Variants in GREB1L observed in about 807,000 individuals in gnomAD.
The protein encoded by GREB1L is GREB1-like protein.
In GREB1L, 17 loss-of-function variants were observed where a neutral mutation model predicts 200.8. The ratio of observed to expected loss-of-function variants is 0.08; its 90% CI spans 0.06 to 0.13. The LOEUF (loss-of-function observed/expected upper bound fraction) is 0.13, where lower values mean the gene tolerates loss of function less well. Among genes scored for constraint, GREB1L ranks in the 10% least tolerant of loss-of-function variants. GREB1L has a pLI of 1.00. For missense variants in GREB1L, 1,657 were observed against 2,367.7 expected (o/e 0.70, Z 6.23); for synonymous variants, 789 against 893.0 (o/e 0.88, Z 2.08).
intron 10 of GREB1L, among the ~76,000 whole-genome samples, chr18:21,443,677 A>T (rs569204108): frequency 6.6e-6 from 1 of 152,342 alleles, no homozygotes; most frequent in African/African-American, 2.4e-5. Context: ...AACAGAGATA[A>T]TATGAGTACA....
At chr18:21,472,720 A>G (rs1161938921) in intron 15 of GREB1L, among the ~76,000 whole-genome samples, 1 of 152,192 alleles carries the variant, frequency 6.6e-6, no homozygotes, top group Admixed American at 6.5e-5. Flanking sequence ...TAGCAGCAGC[A>G]TGTTATATAC....
intron 20 of GREB1L, among the ~76,000 whole-genome samples, 166 bp from the exon 21 acceptor site, chr18:21,496,288 G>C (rs1385289997): frequency 6.6e-6 from 1 of 152,156 alleles, no homozygotes; most frequent in Admixed American, 6.5e-5. Flanking sequence ...AGAAGTGAAG[G>C]TCATAACAGC....
chr18:21,462,786 G>A (rs951919079), intron 15 of GREB1L, among the ~76,000 whole-genome samples: 1 of 152,126 alleles, frequency 6.6e-6, no homozygotes, highest in African/African-American at 2.4e-5. Context: ...GAAGAGATAG[G>A]TATGGAATGA....
intron 1 of GREB1L, among the ~76,000 whole-genome samples, chr18:21,286,846 C>T (rs557116773): frequency 5.9e-5 from 9 of 152,158 alleles, no homozygotes; most frequent in Admixed American, 1.3e-4. Context: ...AGGGTCTCAC[C>T]ATGTTGCTTA....
rs906742660 is a variant in GREB1L, at chr18:21,525,782, A to G, written c.*2961A>G. Among the ~76,000 whole-genome samples the G allele has an allele frequency of 3.3e-5, 5 of 152,210 alleles. No individual in the cohort carries two copies. Among genetic ancestry groups the G allele is most frequent in the African/African-American group, 7.2e-5 (3 of 41,466 alleles). ...AGTATGAATTATATCTTCTTAAAAA[A>G]TTTTACCAACTTTTGAGAATAACAA... On this transcript the variant is annotated 3_prime_UTR_variant, in exon 33 of 33. Coordinates refer to ENST00000424526, the MANE Select transcript of GREB1L (RefSeq NM_001142966.3).
Position 21,500,535 on chromosome 18 carries a change from A to T in GREB1L, c.3970-5A>T, listed in dbSNP as rs1476543284. Reference sequence around the variant, plus strand: ...CTCCTCCCCAATTAAAAATCTTTCCATTAGGTGGGAAAGACGGGCTCCTAT... The same window carrying T: ...CTCCTCCCCAATTAAAAATCTTTCCTTTAGGTGGGAAAGACGGGCTCCTAT... On this transcript the variant is annotated splice_region_variant and splice_polypyrimidine_tract_variant and intron_variant, in intron 22 of 32. Coordinates refer to ENST00000424526, the MANE Select transcript of GREB1L (RefSeq NM_001142966.3). 5 of 1,534,864 alleles carry T rather than the reference A, an allele frequency of 3.3e-6. No individual in the cohort carries two copies. The highest frequency in any genetic ancestry group is 4.4e-6 in the Non-Finnish European group (5 of 1,133,078).
intron 1 of GREB1L, among the ~76,000 whole-genome samples, chr18:21,302,781 G>T (rs972335623): frequency 3.3e-5 from 5 of 152,122 alleles, no homozygotes; most frequent in African/African-American, 1.2e-4. Flanking sequence ...GAGTGCAGTG[G>T]CGTGATCTCG....
chr18:21,461,520 T>C (rs745483676), intron 15 of GREB1L, among the ~76,000 whole-genome samples: 2 of 152,174 alleles, frequency 1.3e-5, no homozygotes, highest in Non-Finnish European at 2.9e-5. Flanking sequence ...CTTGCCCGTA[T>C]CACCAGTGAC....
chr18:21,300,057 T>A (rs2038594137), intron 1 of GREB1L, among the ~76,000 whole-genome samples: 1 of 152,196 alleles, frequency 6.6e-6, no homozygotes, highest in African/African-American at 2.4e-5. Flanking sequence ...GTAGTTTATA[T>A]CCTTAAAGAA....
chr18:21,347,008 C>T (rs184768205), intron 1 of GREB1L, among the ~76,000 whole-genome samples: 19 of 152,322 alleles, frequency 1.2e-4, no homozygotes, highest in African/African-American at 4.6e-4. Flanking sequence ...AAAGGCTAAT[C>T]GCATGCCATG....
chr18:21,485,983 C>T (rs1406098584), intron 18 of GREB1L, among the ~76,000 whole-genome samples: 2 of 152,182 alleles, frequency 1.3e-5, no homozygotes, highest in Admixed American at 1.3e-4. Context: ...CACTACTTTT[C>T]ATGCTGAGTC....
intron 1 of GREB1L, among the ~76,000 whole-genome samples, chr18:21,286,181 C>G (rs1329784916): frequency 6.6e-6 from 1 of 152,208 alleles, no homozygotes; most frequent in Admixed American, 6.5e-5. Context: ...GAGGACCACA[C>G]TTTCAGAAGC....
chr18:21,449,870 CAATT>C, intron 12 of GREB1L, 34 bp downstream of exon 12: 2 of 1,405,100 alleles, frequency 1.4e-6, no homozygotes, highest in South Asian at 1.5e-5. Flanking sequence ...TTTGTTTAAT[CAATT>C]CATTCGACCA....
chr18:21,344,667 G>T (rs1241356705), intron 1 of GREB1L, among the ~76,000 whole-genome samples: 1 of 152,274 alleles, frequency 6.6e-6, no homozygotes, highest in East Asian at 1.9e-4. Flanking sequence ...TGACTCTAAA[G>T]ATTTCAAAAT....
At chr18:21,452,467 C>T in intron 14 of GREB1L, 1 of 405,622 alleles carries the variant, frequency 2.5e-6, no homozygotes. Context: ...AGCACTCTCT[C>T]TTTTTTCTCT....
chr18:21,461,493 C>T (rs1436363026), intron 15 of GREB1L, among the ~76,000 whole-genome samples: 3 of 152,142 alleles, frequency 2.0e-5, no homozygotes, highest in African/African-American at 4.8e-5. Flanking sequence ...CAAACTGGCT[C>T]CCACCCTCAC....
chr18:21,251,172 G>A (rs1285501134), intron 1 of GREB1L, among the ~76,000 whole-genome samples: 3 of 151,228 alleles, frequency 2.0e-5, no homozygotes, highest in South Asian at 2.1e-4. Flanking sequence ...ACAAACAAAC[G>A]AAAACTGTAG....
intron 1 of GREB1L, among the ~76,000 whole-genome samples, chr18:21,269,337 T>C (rs915144749): frequency 1.3e-5 from 2 of 152,182 alleles, no homozygotes; most frequent in Non-Finnish European, 2.9e-5. Context: ...CATAATTTTT[T>C]TTACAATATT....
Position 21,311,976 on chromosome 18 carries a change from C to T in GREB1L, c.-119-54051C>T, listed in dbSNP as rs140601324. On this transcript the variant is annotated intron_variant, in intron 1 of 32. Coordinates refer to ENST00000424526, the MANE Select transcript of GREB1L (RefSeq NM_001142966.3). ...TAGATATTTTTCCTGATCCCATCCC[C>T]CTCCCACCTTCCACCCGCAAGTAGG... Among the ~76,000 whole-genome samples, 421 of 152,154 alleles carry T rather than the reference C, an allele frequency of 2.8e-3. 3 individuals carry two copies. The highest frequency in any genetic ancestry group is 9.8e-3 in the African/African-American group (405 of 41,486).
Sources: allele counts gnomAD v4.1 joint callset (sites outside exome capture counted in the v4.1 genomes callset), GRCh38; gene constraint gnomAD v4.1.1; transcripts MANE v1.5; gene names NCBI Gene and HGNC (gene_info 2026-07-23, HGNC 2026-07-21).